Variants in FSTL5 observed in about 807,000 individuals in gnomAD.
FSTL5 encodes the protein follistatin like 5, also known as follistatin-related protein 5.
Under a neutral mutation model 89.1 loss-of-function variants are expected in FSTL5, and 62 were observed. The ratio of observed to expected loss-of-function variants is 0.70; its 90% CI spans 0.57 to 0.86. FSTL5 has a LOEUF of 0.86. Among genes scored for constraint, FSTL5 ranks in the 40% least tolerant of loss-of-function variants. The probability of loss-of-function intolerance (pLI) is 0.00; values close to 1 mark genes in which losing one functional copy is unlikely to be tolerated. For missense variants in FSTL5, 1,057 were observed against 1,001.6 expected (o/e 1.06, Z -0.75); for synonymous variants, 383 against 346.2 (o/e 1.11, Z -1.18).
At chr4:161,900,638 C>CAAAAAA (rs58702301) in intron 4 of FSTL5, among the ~76,000 whole-genome samples, 20 of 65,132 alleles carry the variant, frequency 3.1e-4, no homozygotes, top group African/African-American at 5.8e-4. Flanking sequence ...GACTCCATCT[C>CAAAAAA]AAAAAAAAAA....
rs557258295 is a variant in FSTL5, at chr4:161,775,788, A to AT, written c.606+89dup. 73 of 670,280 alleles carry AT rather than the reference A, an allele frequency of 1.1e-4. No homozygotes were observed. The African/African-American group carries it at 1.3e-3, about 12-fold the overall frequency. The allele number at this position is 670,280 out of a possible 1,614,324, so 41.5% of individuals were successfully genotyped here. A position where few individuals can be genotyped will look rare whatever the true frequency, so the allele number is the denominator to read the frequency against. ...TTTCAATAATATGGATCAAATATAC[A>AT]TTTTTTCATTATAGAGTAAATTTAG... is the stretch of plus-strand genomic sequence containing the variant. On this transcript the variant is annotated intron_variant, in intron 5 of 15. Coordinates refer to ENST00000306100, the MANE Select transcript of FSTL5 (RefSeq NM_020116.5).
At chr4:161,407,397 G>A (rs12645230) in intron 15 of FSTL5, among the ~76,000 whole-genome samples, 23,792 of 152,174 alleles carry the variant, frequency 0.16, 2,001 homozygotes, top group East Asian at 0.24. Context: ...AGGATGGGGA[G>A]GAGATGCAGT....
chr4:161,657,403 T>C (rs1032618738), intron 6 of FSTL5, among the ~76,000 whole-genome samples: 1 of 152,188 alleles, frequency 6.6e-6, no homozygotes, highest in African/African-American at 2.4e-5. Context: ...TTGACCACGT[T>C]AGAAATACCA....
chr4:161,698,637 A>T (rs1738269796), intron 6 of FSTL5, among the ~76,000 whole-genome samples: 1 of 152,144 alleles, frequency 6.6e-6, no homozygotes, highest in South Asian at 2.1e-4. Context: ...GAATCTAAAG[A>T]AGAGGAGAAG....
At chr4:161,618,287 C>T (rs1182227415) in intron 7 of FSTL5, among the ~76,000 whole-genome samples, 5 of 136,336 alleles carry the variant, frequency 3.7e-5, no homozygotes, top group African/African-American at 1.1e-4. Context: ...AATTTGACTT[C>T]CTCTTTTCCT....
Position 161,500,122 on chromosome 4 carries a change from C to T in FSTL5, c.1352G>A (p.Gly451Glu). Reference sequence around the variant, plus strand: ...TTCATAAAAAACATAGAACATGTTCCCAATTCCCAGACCTTAGGAATAAAA... The same window carrying T: ...TTCATAAAAAACATAGAACATGTTCTCAATTCCCAGACCTTAGGAATAAAA... ...ILWREEGLGI[G>E]NMFYVFYEDG... The change falls in exon 12 of 16, where the codon GGG becomes GAG. Residue 451 changes from glycine to glutamate, a missense_variant. This residue lies in a region of FSTL5 where 980 missense variants were observed against 903.2 expected (regional missense o/e 1.08). Coordinates refer to ENST00000306100, the MANE Select transcript of FSTL5 (RefSeq NM_020116.5). 6.3e-6 allele frequency: 10 copies of T among 1,583,108 alleles called. No homozygotes were observed. The highest frequency in any genetic ancestry group is 8.7e-6 in the Non-Finnish European group (10 of 1,156,056).
At chr4:161,932,741 T>G (rs1290852588) in intron 3 of FSTL5, among the ~76,000 whole-genome samples, 1 of 151,954 alleles carries the variant, frequency 6.6e-6, no homozygotes, top group African/African-American at 2.4e-5. Flanking sequence ...TTATGTCTTT[T>G]GCAAATTTGA....
chr4:161,657,094 T>A (rs1210922201), intron 6 of FSTL5, among the ~76,000 whole-genome samples: 1 of 152,194 alleles, frequency 6.6e-6, no homozygotes, highest in Admixed American at 6.5e-5. Context: ...ATATCATATT[T>A]TAACTAACCA....
At chr4:161,801,612 A>T (rs539246930) in intron 4 of FSTL5, among the ~76,000 whole-genome samples, 2 of 151,260 alleles carry the variant, frequency 1.3e-5, no homozygotes, top group Non-Finnish European at 3.0e-5. Context: ...TACTATTAAC[A>T]CTCAGAATTT....
intron 4 of FSTL5, among the ~76,000 whole-genome samples, chr4:161,866,115 G>C (rs746731691): frequency 2.6e-5 from 4 of 152,178 alleles, no homozygotes; most frequent in Admixed American, 6.5e-5. Context: ...GTTGTTATTA[G>C]TTTGTCTCCA....
intron 3 of FSTL5, among the ~76,000 whole-genome samples, chr4:162,015,812 T>C (rs1258670183): frequency 6.6e-6 from 1 of 152,172 alleles, no homozygotes; most frequent in Non-Finnish European, 1.5e-5. Context: ...TAAAATAGCA[T>C]GTCAGCTTTT....
intron 7 of FSTL5, among the ~76,000 whole-genome samples, chr4:161,608,143 T>C (rs895223193): frequency 2.0e-5 from 3 of 152,126 alleles, no homozygotes; most frequent in African/African-American, 7.2e-5. Flanking sequence ...CACAAGTAGA[T>C]ATCAGGAGCA....
At chr4:161,560,996 C>A (rs1732576306) in intron 8 of FSTL5, among the ~76,000 whole-genome samples, 3 of 151,818 alleles carry the variant, frequency 2.0e-5, no homozygotes, top group Admixed American at 2.0e-4. Flanking sequence ...ATTTGTATTA[C>A]TGGTAGCACA....
chr4:162,130,492 G>T (rs1380088641), intron 1 of FSTL5, among the ~76,000 whole-genome samples: 1 of 152,046 alleles, frequency 6.6e-6, no homozygotes, highest in African/African-American at 2.4e-5. Context: ...ATGACTATTA[G>T]TCTATATTAA....
intron 4 of FSTL5, among the ~76,000 whole-genome samples, chr4:161,911,492 G>T (rs1388909837): frequency 2.0e-5 from 3 of 152,106 alleles, no homozygotes; most frequent in Non-Finnish European, 4.4e-5. Flanking sequence ...TACAATGCAT[G>T]TTCAGATTTC....
At chr4:161,528,783 T>C (rs1731316875) in intron 10 of FSTL5, among the ~76,000 whole-genome samples, 1 of 143,450 alleles carries the variant, frequency 7.0e-6, no homozygotes, top group African/African-American at 2.5e-5. Flanking sequence ...TAACTATATT[T>C]GAAGCCTTTG....
chr4:161,762,791 C>T (rs1396642317), intron 5 of FSTL5, among the ~76,000 whole-genome samples: 2 of 151,968 alleles, frequency 1.3e-5, no homozygotes, highest in Non-Finnish European at 2.9e-5. Context: ...TTAAGGCTAT[C>T]AAAATAAAAT....
chr4:161,486,574 A>G (rs749391778), intron 12 of FSTL5, among the ~76,000 whole-genome samples: 2 of 152,192 alleles, frequency 1.3e-5, no homozygotes, highest in Non-Finnish European at 2.9e-5. Flanking sequence ...TTCTCTACCA[A>G]TCAGGTTCCT....
chr4:161,771,224 A>T (rs1386080406), intron 5 of FSTL5, among the ~76,000 whole-genome samples: 3 of 152,090 alleles, frequency 2.0e-5, no homozygotes, highest in African/African-American at 7.2e-5. Flanking sequence ...TATTTCAAGA[A>T]TATGCCTTCC....
Sources: gnomAD v4.1 joint callset for allele counts (sites outside exome capture counted in the v4.1 genomes callset) on GRCh38, gnomAD v4.1.1 for gene constraint, gnomAD v4.1.1 regional missense constraint, MANE v1.5 for transcripts, NCBI Gene and HGNC (gene_info 2026-07-23, HGNC 2026-07-21) for gene names.